Variants in ZFHX3 observed in about 807,000 individuals in gnomAD.
ZFHX3 encodes the protein zinc finger homeobox protein 3.
Under a neutral mutation model 279.1 loss-of-function variants are expected in ZFHX3, and 42 were observed. The ratio of observed to expected loss-of-function variants is 0.15; its 90% CI spans 0.12 to 0.19. The LOEUF (loss-of-function observed/expected upper bound fraction) is 0.19. Ranked by LOEUF, ZFHX3 falls within the 10% of genes least tolerant of loss-of-function variation. The pLI, the probability that ZFHX3 is intolerant of heterozygous loss-of-function variation, is 1.00. For synonymous variants in ZFHX3, 2,293 were observed against 1,957.8 expected, an observed-to-expected ratio of 1.17 and a Z score of -4.52; for missense variants, 4,981 against 4,754.0, an observed-to-expected ratio of 1.05 and a Z score of -1.40.
At chr16:73,239,892 C>G (rs76112211) in intron 5 of ZFHX3, among the ~76,000 whole-genome samples, 2 of 152,104 alleles carry the variant, frequency 1.3e-5, no homozygotes, top group South Asian at 4.1e-4. Context: ...TAGTGAATAC[C>G]GAACCATCGC....
chr16:72,801,940 C>A (rs1045169679), intron 7 of ZFHX3, among the ~76,000 whole-genome samples: 3 of 151,744 alleles, frequency 2.0e-5, no homozygotes, highest in Admixed American at 1.3e-4. Context: ...GACTCCCCCC[C>A]ACCTCCTTTC....
At chr16:73,788,061 C>A (rs943728823) in intron 1 of ZFHX3, among the ~76,000 whole-genome samples, 1 of 152,028 alleles carries the variant, frequency 6.6e-6, no homozygotes, top group Non-Finnish European at 1.5e-5. Context: ...AGCTAAAAAA[C>A]AACATGGTGC....
At chr16:72,905,180 GCT>G (rs1220267613) in intron 3 of ZFHX3, among the ~76,000 whole-genome samples, 2 of 151,860 alleles carry the variant, frequency 1.3e-5, no homozygotes, top group Non-Finnish European at 2.9e-5. Flanking sequence ...TCTACACGGG[GCT>G]CTCTGTCCCT....
intron 2 of ZFHX3, among the ~76,000 whole-genome samples, chr16:73,639,502 CT>C (rs1462577326): frequency 6.6e-6 from 1 of 152,126 alleles, no homozygotes; most frequent in Non-Finnish European, 1.5e-5. Context: ...TTTAATCATA[CT>C]TTTTCATGAA....
At chr16:73,058,259 A>G (rs1336685629) in intron 1 of ZFHX3, among the ~76,000 whole-genome samples, 2 of 137,388 alleles carry the variant, frequency 1.5e-5, no homozygotes, top group South Asian at 2.3e-4. Flanking sequence ...CGGCGGCGGC[A>G]GCGGCGGGAG....
intron 1 of ZFHX3, among the ~76,000 whole-genome samples, chr16:73,681,525 A>T (rs561222446): frequency 6.6e-6 from 1 of 152,360 alleles, no homozygotes; most frequent in African/African-American, 2.4e-5. Context: ...TCATTCGAAT[A>T]GTCATGAGTC....
At chr16:73,501,736 A>G (rs2019242272) in intron 2 of ZFHX3, among the ~76,000 whole-genome samples, 1 of 152,210 alleles carries the variant, frequency 6.6e-6, no homozygotes, top group African/African-American at 2.4e-5. Context: ...CCCAAAATTA[A>G]TTATAAAAAT....
chr16:73,780,603 A>G (rs371361388), intron 1 of ZFHX3, among the ~76,000 whole-genome samples: 2 of 149,752 alleles, frequency 1.3e-5, no homozygotes, highest in East Asian at 2.0e-4. Context: ...CACCACGCCC[A>G]GCTAATTTTT....
At chr16:72,828,874 A>G (rs2036995449) in intron 5 of ZFHX3, among the ~76,000 whole-genome samples, 1 of 151,600 alleles carries the variant, frequency 6.6e-6, no homozygotes, top group Admixed American at 6.6e-5. Context: ...AATTTTTTGT[A>G]GAGACAGTGT....
chr16:73,535,722 C>CTTTTTT (rs56867952), intron 2 of ZFHX3, among the ~76,000 whole-genome samples: 3 of 139,000 alleles, frequency 2.2e-5, no homozygotes, highest in South Asian at 2.3e-4. Flanking sequence ...TGCCCCCTAT[C>CTTTTTT]TTTTTTTTTT....
chr16:73,242,218 T>C (rs1364652022), intron 5 of ZFHX3, among the ~76,000 whole-genome samples: 2 of 152,032 alleles, frequency 1.3e-5, no homozygotes, highest in Non-Finnish European at 2.9e-5. Flanking sequence ...CCAGCACAAG[T>C]ATCACAAAGG....
chr16:73,644,655 T>C (rs533801999), intron 2 of ZFHX3, among the ~76,000 whole-genome samples: 48 of 148,010 alleles, frequency 3.2e-4, no homozygotes, highest in African/African-American at 1.1e-3. Context: ...AGCGAGACTC[T>C]TTCTCAAAAC....
intron 4 of ZFHX3, among the ~76,000 whole-genome samples, chr16:72,881,309 G>C (rs1186123220): frequency 6.6e-6 from 1 of 152,174 alleles, no homozygotes; most frequent in Non-Finnish European, 1.5e-5. Flanking sequence ...CAGGAGACCA[G>C]AAAGCCCAGG....
At chr16:73,415,879 G>A (rs1470095196) in intron 3 of ZFHX3, among the ~76,000 whole-genome samples, 4 of 152,132 alleles carry the variant, frequency 2.6e-5, no homozygotes, top group African/African-American at 9.7e-5. Flanking sequence ...CAGCACTTTG[G>A]GAGGCCAAGG....
intron 3 of ZFHX3, among the ~76,000 whole-genome samples, chr16:73,338,454 C>G (rs2015959474): frequency 6.6e-6 from 1 of 151,892 alleles, no homozygotes; most frequent in Non-Finnish European, 1.5e-5. Flanking sequence ...TTCATTTTAA[C>G]AGTCAAAATC....
At chr16:73,881,484 C>CA (rs1258175741) in intron 1 of ZFHX3, among the ~76,000 whole-genome samples, 2 of 76,886 alleles carry the variant, frequency 2.6e-5, no homozygotes, top group Admixed American at 1.1e-4. Context: ...CTCTCTGCCC[C>CA]CCCCCCCCAC....
At chr16:73,438,803 C>G (rs146779022) in intron 3 of ZFHX3, among the ~76,000 whole-genome samples, 32 of 152,252 alleles carry the variant, frequency 2.1e-4, no homozygotes, top group African/African-American at 7.7e-4. Flanking sequence ...ATTGCCCCAA[C>G]AATTTTCTTT....
chr16:73,831,355 C>CAGGG (rs1960992203), intron 1 of ZFHX3, among the ~76,000 whole-genome samples: 1 of 152,158 alleles, frequency 6.6e-6, no homozygotes, highest in Non-Finnish European at 1.5e-5. Flanking sequence ...GGAATCCCTG[C>CAGGG]AGGGTCAGAG....
At chr16:73,215,387 A>G (rs1320967353) in intron 5 of ZFHX3, among the ~76,000 whole-genome samples, 2 of 152,196 alleles carry the variant, frequency 1.3e-5, no homozygotes, top group Non-Finnish European at 2.9e-5. Context: ...CACCCATACC[A>G]AAAAGCACAG....
Sources: allele counts gnomAD v4.1 joint callset (sites outside exome capture counted in the v4.1 genomes callset), GRCh38; gene constraint gnomAD v4.1.1; transcripts MANE v1.5; gene names NCBI Gene and HGNC (gene_info 2026-07-23, HGNC 2026-07-21).